Variants in GALNT5 observed in about 807,000 individuals in gnomAD.
GALNT5 encodes polypeptide N-acetylgalactosaminyltransferase 5, also known as UDP-GalNAc:polypeptide N-acetylgalactosaminyltransferase 5.
Under a neutral mutation model 85.4 loss-of-function variants are expected in GALNT5, and 72 were observed. The ratio of observed to expected loss-of-function variants is 0.84; its 90% confidence interval spans 0.70 to 1.03. The LOEUF (loss-of-function observed/expected upper bound fraction) is 1.03, where lower values mean the gene tolerates loss of function less well. GALNT5 is among the 50% of genes least tolerant of loss of function. The pLI, the probability that GALNT5 is intolerant of heterozygous loss-of-function variation, is 0.00. For missense variants in GALNT5, 1,137 were observed against 1,135.5 expected, an observed-to-expected ratio of 1.00 and a Z score of -0.02; for synonymous variants, 404 against 397.0, an observed-to-expected ratio of 1.02 and a Z score of -0.21.
intron 2 of GALNT5, 43 bp downstream of exon 2, chr2:157,284,491 GGCA>G: frequency 6.4e-7 from 1 of 1,551,858 alleles, no homozygotes; most frequent in Non-Finnish European, 8.9e-7. Context: ...TTCAAAGTTT[GGCA>G]GAAGCAAAGT....
rs767111737 is a variant in GALNT5 at position 157,296,517 on chromosome 2, A to T, written c.1997+4A>T. On this transcript the variant is annotated splice_donor_region_variant and intron_variant, in intron 5 of 9. Transcript: ENST00000259056. ...TTAAAGAAACTGATACAATAAGGTA[A>T]GTGTGGGAAATTTAAGACTAGAAAG... 1 of 1,605,742 alleles carries T rather than the reference A, an allele frequency of 6.2e-7. No individual in the cohort carries two copies. The highest frequency in any genetic ancestry group is 1.1e-5 in the South Asian group (1 of 90,434).
rs1055442 is a variant in GALNT5, at chr2:157,312,054, T to C, written c.*706T>C. 1 of 152,212 alleles carries C rather than the reference T, an allele frequency of 6.6e-6. No homozygotes were observed. Among genetic ancestry groups the C allele is most frequent in the Non-Finnish European group, 1.5e-5 (1 of 68,032 alleles). 9.4% of individuals were successfully genotyped at this position (152,212 alleles called of 1,614,324 possible). On this transcript the variant is annotated 3_prime_UTR_variant, in exon 10 of 10. Transcript: ENST00000259056. The stretch of plus-strand genomic sequence containing the variant: ...AACACTATTTCAGTTCATTTTGTGC[T>C]TTTAAAACTACAGTTTTAAAGATTT...
intron 3 of GALNT5, among the ~76,000 whole-genome samples, chr2:157,292,894 G>T (rs547455318): frequency 8.5e-5 from 13 of 152,052 alleles, no homozygotes; most frequent in Non-Finnish European, 1.9e-4. Context: ...AGTAGAGATG[G>T]GGTTTCACCA....
intron 7 of GALNT5, chr2:157,301,443 T>G: frequency 4.9e-6 from 1 of 203,542 alleles, no homozygotes; most frequent in Non-Finnish European, 1.0e-5. Flanking sequence ...GGAGACTTTG[T>G]AACTCAGGCC....
chr2:157,275,531 G>A (rs7558925), intron 1 of GALNT5, among the ~76,000 whole-genome samples: 9 of 152,244 alleles, frequency 5.9e-5, no homozygotes, highest in Admixed American at 2.6e-4. Flanking sequence ...TCCTTGAAGA[G>A]GTCCTCCACA....
chr2:157,267,979 G>A (rs779209689), intron 1 of GALNT5, among the ~76,000 whole-genome samples: 15 of 152,186 alleles, frequency 9.9e-5, no homozygotes, highest in Admixed American at 5.2e-4. Context: ...TAAAATCCCA[G>A]GCAGAGCTCT....
At position 157,313,731 on chromosome 2, in the gene GALNT5, A is replaced by AT. The variant is rs1472876197; in HGVS notation, c.*2390dup. 6.6e-6 allele frequency: 1 copy of AT among 152,092 alleles called. No individual in the cohort carries two copies. The highest frequency in any genetic ancestry group is 6.5e-5 in the Admixed American group (1 of 15,270). 9.4% of individuals were successfully genotyped at this position (152,092 alleles called of 1,614,324 possible). ...GGGTATATCAACTAAAGGAAGTTGGATTTTTTTCCTTAACAGAAACTTCTG... is the reference window on the plus strand; with the variant it reads ...GGGTATATCAACTAAAGGAAGTTGGATTTTTTTTCCTTAACAGAAACTTCTG... On this transcript the variant is annotated 3_prime_UTR_variant, in exon 10 of 10. Coordinates refer to ENST00000259056, the MANE Select transcript of GALNT5 (RefSeq NM_014568.3).
At chr2:157,276,872 G>T (rs188358189) in intron 1 of GALNT5, among the ~76,000 whole-genome samples, 3 of 152,206 alleles carry the variant, frequency 2.0e-5, no homozygotes, top group African/African-American at 7.2e-5. Context: ...GCTTTTGAAT[G>T]TGTAAGCTCT....
chr2:157,271,138 G>A (rs1177545725), intron 1 of GALNT5, among the ~76,000 whole-genome samples: 2 of 152,086 alleles, frequency 1.3e-5, no homozygotes, highest in Non-Finnish European at 2.9e-5. Flanking sequence ...TGTCAGAGAC[G>A]GCATCTCTAT....
At chr2:157,278,126 C>T (rs2105135064) in intron 1 of GALNT5, among the ~76,000 whole-genome samples, 2 of 152,288 alleles carry the variant, frequency 1.3e-5, no homozygotes, top group East Asian at 3.9e-4. Context: ...AAGTTCTTTT[C>T]TTTAAGAATG....
At chr2:157,264,334 G>A (rs1443427389) in intron 1 of GALNT5, among the ~76,000 whole-genome samples, 1 of 152,168 alleles carries the variant, frequency 6.6e-6, no homozygotes, top group Non-Finnish European at 1.5e-5. Context: ...TGCACTTCCT[G>A]AATCTGAATT....
At chr2:157,299,430 G>C in intron 5 of GALNT5, 118 bp from the exon 6 acceptor site, 1 of 639,246 alleles carries the variant, frequency 1.6e-6, no homozygotes, top group East Asian at 2.6e-5. Context: ...GGGCTTCCCT[G>C]CATCAGGTAG....
chr2:157,276,247 AT>A, intron 1 of GALNT5, among the ~76,000 whole-genome samples: 1 of 152,194 alleles, frequency 6.6e-6, no homozygotes. Flanking sequence ...GGATTTTCAC[AT>A]TGATGTTCAT....
chr2:157,286,892 C>CTGTGTG (rs1558897523), intron 3 of GALNT5, among the ~76,000 whole-genome samples: 2 of 121,382 alleles, frequency 1.6e-5, no homozygotes, highest in African/African-American at 3.8e-5. Context: ...GTTTAAATAC[C>CTGTGTG]AGTGTGTGTG....
intron 6 of GALNT5, 32 bp downstream of exon 6, chr2:157,299,697 C>T (rs551525895): frequency 2.5e-5 from 28 of 1,140,420 alleles, no homozygotes; most frequent in Admixed American, 1.6e-4. Flanking sequence ...CTTTTCTTTA[C>T]GATAATGAGT....
intron 9 of GALNT5, among the ~76,000 whole-genome samples, chr2:157,309,294 G>A (rs2105172030): frequency 6.6e-6 from 1 of 152,286 alleles, no homozygotes; most frequent in East Asian, 1.9e-4. Flanking sequence ...TACCACATTG[G>A]TAGCTGGAAA....
At chr2:157,299,247 A>T (rs1574031512) in intron 5 of GALNT5, 1 of 213,938 alleles carries the variant, frequency 4.7e-6, no homozygotes, top group East Asian at 1.0e-4. Context: ...ATAGTGCCTG[A>T]TACTCCCTTA....
chr2:157,303,585 A>G (rs1683393172), intron 7 of GALNT5, among the ~76,000 whole-genome samples: 1 of 152,194 alleles, frequency 6.6e-6, no homozygotes, highest in Non-Finnish European at 1.5e-5. Context: ...ACAACTAATA[A>G]TGAAATGAAG....
chr2:157,300,125 A>G (rs914791797), intron 6 of GALNT5, among the ~76,000 whole-genome samples: 3 of 152,242 alleles, frequency 2.0e-5, no homozygotes, highest in Non-Finnish European at 4.4e-5. Flanking sequence ...TGGGCACTTT[A>G]TACAATCTAT....
Sources: gnomAD v4.1 joint callset for allele counts (sites outside exome capture counted in the v4.1 genomes callset) on GRCh38, gnomAD v4.1.1 for gene constraint, MANE v1.5 for transcripts, NCBI Gene and HGNC (gene_info 2026-07-23, HGNC 2026-07-21) for gene names.